Variants in PREX2 observed in about 807,000 individuals in gnomAD.
The protein encoded by PREX2 is phosphatidylinositol-3,4,5-trisphosphate dependent Rac exchange factor 2.
PREX2 carries 107 observed loss-of-function variants against 203.2 expected under a neutral mutation model. The ratio of observed to expected loss-of-function variants is 0.53; its 90% CI spans 0.45 to 0.62. The LOEUF is 0.62. PREX2 is among the 20% of genes least tolerant of loss of function. The probability of loss-of-function intolerance (pLI) is 0.00; values close to 1 mark genes in which losing one functional copy is unlikely to be tolerated. For synonymous variants in PREX2, 672 were observed against 663.6 expected (o/e 1.01, Z -0.19); for missense variants, 1,777 against 1,955.9 (o/e 0.91, Z 1.72).
intron 1 of PREX2, among the ~76,000 whole-genome samples, chr8:67,995,786 G>A (rs1335392357): frequency 6.6e-6 from 1 of 152,134 alleles, no homozygotes; most frequent in Non-Finnish European, 1.5e-5. Context: ...AAGTGGCCAT[G>A]AATGTTCCAA....
chr8:68,148,228 T>C (rs745330981), intron 34 of PREX2, among the ~76,000 whole-genome samples: 5 of 152,002 alleles, frequency 3.3e-5, no homozygotes, highest in Non-Finnish European at 5.9e-5. Context: ...GCCTGGGCAA[T>C]AGGGTGAGAC....
intron 30 of PREX2, among the ~76,000 whole-genome samples, chr8:68,124,536 G>A (rs1810849608): frequency 6.6e-6 from 1 of 151,822 alleles, no homozygotes; most frequent in Admixed American, 6.6e-5. Flanking sequence ...ATACTTAATG[G>A]GTATTAGGCT....
intron 7 of PREX2, among the ~76,000 whole-genome samples, chr8:68,039,206 A>G (rs1298131918): frequency 3.3e-5 from 5 of 152,094 alleles, no homozygotes; most frequent in Non-Finnish European, 7.4e-5. Flanking sequence ...TTCTGGCATG[A>G]GCAGCATTCA....
chr8:67,996,281 A>C (rs571686573), intron 1 of PREX2, among the ~76,000 whole-genome samples: 158 of 152,122 alleles, frequency 1.0e-3, no homozygotes, highest in Middle Eastern at 3.4e-3. Context: ...CTGCAGCCTC[A>C]ACCTCCCAGG....
chr8:67,954,557 C>G (rs1452068437), intron 1 of PREX2, among the ~76,000 whole-genome samples: 2 of 152,100 alleles, frequency 1.3e-5, no homozygotes, highest in Admixed American at 6.5e-5. Flanking sequence ...CTTCTAGGAA[C>G]CTATCCTAAG....
chr8:68,207,418 T>C lies in PREX2; in HGVS notation c.4605-10198T>C, dbSNP rs184534294. On this transcript the variant is annotated intron_variant, in intron 37 of 39. Coordinates refer to ENST00000288368, the MANE Select transcript of PREX2 (RefSeq NM_024870.4). Reference sequence around the variant, plus strand: ...ACAGAGTATAAATAAATAAATCTAGTCTTTTAGGGGCATGGATATAATATC... The same window carrying C: ...ACAGAGTATAAATAAATAAATCTAGCCTTTTAGGGGCATGGATATAATATC... Among the ~76,000 whole-genome samples the C allele has an allele frequency of 1.4e-4, 21 of 152,212 alleles. No homozygotes were observed. In the East Asian group the frequency reaches 4.1e-3, roughly 29 times the overall value.
At chr8:67,987,546 C>T (rs1806471067) in intron 1 of PREX2, among the ~76,000 whole-genome samples, 1 of 152,136 alleles carries the variant, frequency 6.6e-6, no homozygotes, top group African/African-American at 2.4e-5. Context: ...CCATTCCTCT[C>T]CAGGTACATT....
intron 10 of PREX2, among the ~76,000 whole-genome samples, chr8:68,059,301 T>A (rs1023538406): frequency 2.6e-5 from 4 of 151,954 alleles, no homozygotes; most frequent in Non-Finnish European, 5.9e-5. Flanking sequence ...ACCTTTTTTT[T>A]TAAATCGCTA....
At chr8:68,009,882 G>A (rs1807213099) in intron 1 of PREX2, among the ~76,000 whole-genome samples, 1 of 152,180 alleles carries the variant, frequency 6.6e-6, no homozygotes, top group South Asian at 2.1e-4. Flanking sequence ...TCTGAACCTG[G>A]CTTTTCTGTA....
intron 35 of PREX2, among the ~76,000 whole-genome samples, chr8:68,167,061 G>T (rs1585840460): frequency 6.6e-6 from 1 of 152,148 alleles, no homozygotes; most frequent in Non-Finnish European, 1.5e-5. Context: ...AAGAAAATGG[G>T]TCTACATCAT....
At chr8:68,093,418 A>G (rs1289170955) in intron 20 of PREX2, among the ~76,000 whole-genome samples, 187 bp from the exon 21 acceptor site, 10 of 151,302 alleles carry the variant, frequency 6.6e-5, no homozygotes, top group Non-Finnish European at 1.5e-4. Flanking sequence ...AAAAGAAAGA[A>G]AGAGTGTTTG....
At chr8:68,033,601 A>G (rs1177906755) in intron 6 of PREX2, among the ~76,000 whole-genome samples, 4 of 152,158 alleles carry the variant, frequency 2.6e-5, no homozygotes. Flanking sequence ...TAGGCAGCTG[A>G]AACTATTTGA....
chr8:68,063,813 G>A (rs753725114), intron 11 of PREX2, among the ~76,000 whole-genome samples: 2 of 152,140 alleles, frequency 1.3e-5, no homozygotes, highest in Non-Finnish European at 2.9e-5. Flanking sequence ...AGGGGTGAGA[G>A]AACATATTAT....
chr8:68,159,230 C>T (rs574168792), intron 35 of PREX2, among the ~76,000 whole-genome samples: 20 of 152,188 alleles, frequency 1.3e-4, no homozygotes, highest in African/African-American at 2.2e-4. Flanking sequence ...ATCTAATAAC[C>T]GGCATACTAT....
At chr8:68,081,931 A>C (rs1809542412) in intron 17 of PREX2, among the ~76,000 whole-genome samples, 1 of 151,684 alleles carries the variant, frequency 6.6e-6, no homozygotes. Flanking sequence ...TCCTGACCTT[A>C]AGTGATCTGC....
intron 1 of PREX2, among the ~76,000 whole-genome samples, chr8:68,002,349 GT>G (rs1806966419): frequency 1.3e-5 from 2 of 152,058 alleles, no homozygotes; most frequent in African/African-American, 2.4e-5. Context: ...GTTTTGCCAT[GT>G]TGGCCAGGCT....
chr8:67,998,431 T>G (rs1013079078), intron 1 of PREX2, among the ~76,000 whole-genome samples: 1 of 152,046 alleles, frequency 6.6e-6, no homozygotes, highest in Non-Finnish European at 1.5e-5. Flanking sequence ...TAAGCTTGGC[T>G]TATATCTAGG....
intron 35 of PREX2, among the ~76,000 whole-genome samples, chr8:68,186,924 C>T (rs543689524): frequency 2.6e-5 from 4 of 152,220 alleles, no homozygotes; most frequent in South Asian, 4.1e-4. Context: ...TTTAAACATT[C>T]GCACCATTGA....
rs111659617 is a variant in PREX2, at chr8:68,127,312, A to C, written c.3725-66A>C. 1.1e-4 allele frequency: 142 copies of C among 1,247,304 alleles called. 2 individuals are homozygous for C. The African/African-American group carries it at 1.6e-3, about 14-fold the overall frequency. The allele number at this position is 1,247,304 out of a possible 1,614,324, so 77.3% of individuals were successfully genotyped here. A position where few individuals can be genotyped will look rare whatever the true frequency, so the allele number is the denominator to read the frequency against. ...AAGATCATACTAATTTTGACTACAC[A>C]GTTAAAATATGGTATTTGTGACAGA... On this transcript the variant is annotated intron_variant, in intron 30 of 39. Transcript: ENST00000288368.
Sources: allele counts gnomAD v4.1 joint callset (sites outside exome capture counted in the v4.1 genomes callset), GRCh38; gene constraint gnomAD v4.1.1; transcripts MANE v1.5; gene names NCBI Gene and HGNC (gene_info 2026-07-23, HGNC 2026-07-21).